The following TTC7B variants were observed in gnomAD, a reference collection of about 807,000 sequenced individuals.
TTC7B encodes tetratricopeptide repeat domain 7B, also known as tetratricopeptide repeat protein 7B.
A neutral mutation model predicts 106.8 loss-of-function variants in TTC7B; 28 were observed. The ratio of observed to expected loss-of-function variants is 0.26; its 90% CI spans 0.19 to 0.36. TTC7B has a LOEUF of 0.36. Ranked by LOEUF, TTC7B falls within the 10% of genes least tolerant of loss-of-function variation. The pLI is 1.00. For missense variants in TTC7B, 862 were observed against 1,076.4 expected (o/e 0.80, Z 2.79); for synonymous variants, 405 against 430.6 (o/e 0.94, Z 0.74).
intron 15 of TTC7B, among the ~76,000 whole-genome samples, chr14:90,634,240 A>G (rs145692200): frequency 1.2e-3 from 183 of 152,308 alleles, no homozygotes; most frequent in African/African-American, 4.2e-3. Flanking sequence ...AGTTAACATT[A>G]ACTTTTCATC....
At chr14:90,718,328 C>A (rs1327375830) in intron 5 of TTC7B, among the ~76,000 whole-genome samples, 1 of 152,214 alleles carries the variant, frequency 6.6e-6, no homozygotes, top group Non-Finnish European at 1.5e-5. Flanking sequence ...GGGCTAGGAT[C>A]TTCCCAGAAA....
In TTC7B at chr14:90,531,162, G is replaced by A. The variant is rs1322404982; in HGVS notation, c.*10206C>T. On this transcript the variant is annotated 3_prime_UTR_variant, in exon 20 of 20. Coordinates refer to ENST00000328459, the MANE Select transcript of TTC7B (RefSeq NM_001010854.2). Reference sequence around the variant, plus strand: ...AAGAAAAAATTGTATGCTGTTTTAAGCCACTATATTTGTGGCAATTTGTTG... The same window carrying A: ...AAGAAAAAATTGTATGCTGTTTTAAACCACTATATTTGTGGCAATTTGTTG... 1.3e-5 allele frequency: 2 copies of A among 152,144 alleles called. No individual in the cohort carries two copies. The highest frequency in any genetic ancestry group is 4.8e-5 in the African/African-American group (2 of 41,428). 9.4% of individuals were successfully genotyped at this position (152,144 alleles called of 1,614,324 possible).
Position 90,742,032 on chromosome 14 carries a change from C to T in TTC7B, c.576+2760G>A, listed in dbSNP as rs905796996. On this transcript the variant is annotated intron_variant, in intron 4 of 19. Transcript: ENST00000328459. This position sits in a 1 kb window ranked among gnomAD's most constrained non-coding sequence, Gnocchi z 4.1. ...GGCTAAAGAAGCTGCTTCCCAAATG[C>T]TACCAAAAGCTAAAGCTTACTTGGT... Among the ~76,000 whole-genome samples, 1 of 152,192 alleles carries T rather than the reference C, an allele frequency of 6.6e-6. No homozygotes were observed. Among genetic ancestry groups the T allele is most frequent in the African/African-American group, 2.4e-5 (1 of 41,446 alleles).
chr14:90,776,337 G>A (rs1255541910), intron 3 of TTC7B, among the ~76,000 whole-genome samples: 1 of 152,168 alleles, frequency 6.6e-6, no homozygotes, highest in East Asian at 1.9e-4. Context: ...GTTCTCAGGA[G>A]TTGGGCGAGG....
chr14:90,763,810 G>C (rs1890584987), intron 3 of TTC7B, among the ~76,000 whole-genome samples: 1 of 152,098 alleles, frequency 6.6e-6, no homozygotes, highest in Admixed American at 6.5e-5. Context: ...AGACTTGAAT[G>C]CCAAAAAAAT....
At chr14:90,745,971 G>A (rs1378873676) in intron 3 of TTC7B, among the ~76,000 whole-genome samples, 2 of 142,478 alleles carry the variant, frequency 1.4e-5, no homozygotes, top group Non-Finnish European at 3.2e-5. Context: ...CCAAAGTGCC[G>A]GGATTACAGG....
At chr14:90,541,705 G>T (rs1889600551) in intron 19 of TTC7B, 116 bp from the exon 20 acceptor site, 3 of 779,036 alleles carry the variant, frequency 3.9e-6, no homozygotes, top group Admixed American at 6.5e-5. Context: ...TATCGCCATT[G>T]GGCTGGGCCC....
At position 90,706,697 on chromosome 14, in the gene TTC7B, C is replaced by T. The variant is rs957285198; in HGVS notation, c.699-11119G>A. On this transcript the variant is annotated intron_variant, in intron 5 of 19. Coordinates refer to ENST00000328459, the MANE Select transcript of TTC7B (RefSeq NM_001010854.2). The stretch of plus-strand genomic sequence containing the variant: ...AAAATGACCTAGGAATCTTTGATAG[C>T]TTCTTCGCTATACGGATGTAGGTAA... Among the ~76,000 whole-genome samples the T allele has an allele frequency of 2.0e-5, 3 of 152,182 alleles. No individual in the cohort carries two copies. The East Asian group carries it at 5.8e-4, about 29-fold the overall frequency.
At chr14:90,580,954 C>T (rs1031002222) in intron 18 of TTC7B, among the ~76,000 whole-genome samples, 3 of 152,214 alleles carry the variant, frequency 2.0e-5, no homozygotes, top group African/African-American at 4.8e-5. Context: ...TGCTGCTGAC[C>T]TTTGACCTCA....
Position 90,539,108 on chromosome 14 carries a change from G to A in TTC7B, c.*2260C>T, listed in dbSNP as rs1030037600. 1 of 152,246 alleles carries A rather than the reference G, an allele frequency of 6.6e-6. No individual in the cohort carries two copies. Among genetic ancestry groups the A allele is most frequent in the African/African-American group, 2.4e-5 (1 of 41,446 alleles). 9.4% of individuals were successfully genotyped at this position (152,246 alleles called of 1,614,324 possible). A position where few individuals can be genotyped will look rare whatever the true frequency, so the allele number is the denominator to read the frequency against. On this transcript the variant is annotated 3_prime_UTR_variant, in exon 20 of 20. Transcript: ENST00000328459. ...CCAAACCAGTCACTGATACTGGGGAGCTGGAGGGCTCTGGTTGTTAAGGCT... is the reference window on the plus strand; with the variant it reads ...CCAAACCAGTCACTGATACTGGGGAACTGGAGGGCTCTGGTTGTTAAGGCT...
chr14:90,621,382 GGCCGGGACGA>G (rs1884173320), intron 15 of TTC7B, among the ~76,000 whole-genome samples: 1 of 151,364 alleles, frequency 6.6e-6, no homozygotes, highest in African/African-American at 2.4e-5. Context: ...ACGCGGGTAC[GGCCGGGACGA>G]TGGGCAGAGG....
At chr14:90,772,078 A>C (rs747936898) in intron 3 of TTC7B, among the ~76,000 whole-genome samples, 1 of 151,190 alleles carries the variant, frequency 6.6e-6, no homozygotes, top group Non-Finnish European at 1.5e-5. Context: ...TAAAGAATAA[A>C]TGCTCATTTT....
At chr14:90,552,591 C>T (rs899074357) in intron 19 of TTC7B, among the ~76,000 whole-genome samples, 1 of 152,206 alleles carries the variant, frequency 6.6e-6, no homozygotes, top group African/African-American at 2.4e-5. Flanking sequence ...TCCAGATCCA[C>T]AAAGGCCGCT....
intron 5 of TTC7B, among the ~76,000 whole-genome samples, chr14:90,699,732 C>G (rs1158351835): frequency 6.6e-6 from 1 of 152,162 alleles, no homozygotes; most frequent in East Asian, 1.9e-4. Context: ...TCTCACCAAC[C>G]AGCACTCCTG....
intron 3 of TTC7B, among the ~76,000 whole-genome samples, chr14:90,778,781 T>C (rs1203604580): frequency 6.6e-6 from 1 of 152,210 alleles, no homozygotes; most frequent in East Asian, 1.9e-4. Context: ...CAGAGTGCCC[T>C]GTCGAGAGCA....
intron 9 of TTC7B, among the ~76,000 whole-genome samples, chr14:90,667,880 T>C (rs1886472796): frequency 6.6e-6 from 1 of 152,184 alleles, no homozygotes; most frequent in Non-Finnish European, 1.5e-5. Flanking sequence ...TCTAGACACA[T>C]GAATCTGGTA....
chr14:90,748,227 C>T (rs1890028826), intron 3 of TTC7B, among the ~76,000 whole-genome samples: 1 of 151,930 alleles, frequency 6.6e-6, no homozygotes, highest in Non-Finnish European at 1.5e-5. Context: ...TTTCTGTCAT[C>T]TATTTGAGTA....
chr14:90,628,264 T>C (rs938324701), intron 15 of TTC7B, among the ~76,000 whole-genome samples: 1 of 152,260 alleles, frequency 6.6e-6, no homozygotes, highest in Non-Finnish European at 1.5e-5. Flanking sequence ...ATAAATACAC[T>C]GTTCTCTCTG....
At chr14:90,684,306 A>G (rs1359446799) in intron 7 of TTC7B, among the ~76,000 whole-genome samples, 2 of 152,188 alleles carry the variant, frequency 1.3e-5, no homozygotes, top group African/African-American at 2.4e-5. Context: ...AAGCTACCTC[A>G]ACTGCTTCTT....
Sources: allele counts gnomAD v4.1 joint callset (sites outside exome capture counted in the v4.1 genomes callset), GRCh38; gene constraint gnomAD v4.1.1; non-coding constraint Gnocchi (gnomAD v3.1); transcripts MANE v1.5; gene names NCBI Gene and HGNC (gene_info 2026-07-23, HGNC 2026-07-21).